FRMPD2: variants seen among roughly 807,000 people sequenced by gnomAD.
FRMPD2 encodes the protein FERM and PDZ domain containing 2, also known as FERM and PDZ domain-containing protein 2.
A neutral mutation model predicts 140.1 loss-of-function variants in FRMPD2; 96 were observed. The ratio of observed to expected loss-of-function variants is 0.69; its 90% CI spans 0.58 to 0.81. FRMPD2 has a LOEUF of 0.81. Ranked by LOEUF, FRMPD2 falls within the 40% of genes least tolerant of loss-of-function variation. The pLI is 0.00. For synonymous variants in FRMPD2, 449 were observed against 547.6 expected, an observed-to-expected ratio of 0.82 and a Z score of 2.52; for missense variants, 1,240 against 1,447.4, an observed-to-expected ratio of 0.86 and a Z score of 2.32.
intron 16 of FRMPD2, among the ~76,000 whole-genome samples, chr10:48,188,261 G>A (rs1838739475): frequency 6.6e-6 from 1 of 152,178 alleles, no homozygotes; most frequent in Admixed American, 6.5e-5. Flanking sequence ...CTGTACCCTT[G>A]GAGCTGTGAC....
At chr10:48,173,606 C>T (rs533315968) in intron 24 of FRMPD2, among the ~76,000 whole-genome samples, 176 of 152,246 alleles carry the variant, frequency 1.2e-3, no homozygotes, top group Middle Eastern at 3.4e-3. Flanking sequence ...TCTTGGTCCA[C>T]CCCATCATGG....
chr10:48,232,129 A>T lies in FRMPD2; in HGVS notation c.1154T>A (p.Leu385Ter). The T allele has an allele frequency of 6.2e-7, 1 of 1,614,216 alleles. No individual in the cohort carries two copies. The highest frequency in any genetic ancestry group is 8.5e-7 in the Non-Finnish European group (1 of 1,180,022). The change falls in exon 10 of 29, where the codon TTG (leucine) becomes TAG (stop). Residue 385 changes from leucine to a stop codon, truncating the protein, a stop_gained. Transcript: ENST00000374201. LOFTEE classifies it high-confidence loss of function. ...GAGATGCTTACTTTTCATATACGCC[A>T]AGCCAAAGTAGGTGAGTTCCTCGAG... Reference protein sequence around the residue: ...ANLEELTYFGLAYMKSKEFFF... With the variant: ...ANLEELTYFG
chr10:48,207,140 CTT>C (rs72320753), intron 13 of FRMPD2, among the ~76,000 whole-genome samples: 31 of 141,166 alleles, frequency 2.2e-4, no homozygotes, highest in Admixed American at 2.8e-4. Flanking sequence ...TAGAATTTTC[CTT>C]TTTTTTTTTT....
chr10:48,257,153 T>G (rs1840504600), intron 1 of FRMPD2, among the ~76,000 whole-genome samples: 1 of 150,850 alleles, frequency 6.6e-6, no homozygotes, highest in East Asian at 1.9e-4. Flanking sequence ...TCACATCGCC[T>G]TCTCCTCTTC....
intron 18 of FRMPD2, 122 bp from the exon 19 acceptor site, chr10:48,185,003 A>C (rs910213046): frequency 1.4e-5 from 9 of 653,910 alleles, no homozygotes; most frequent in Non-Finnish European, 2.4e-5. Context: ...AGTTACAGTC[A>C]GGTCTTCTGA....
At chr10:48,232,812 A>C (rs1197403136) in intron 9 of FRMPD2, among the ~76,000 whole-genome samples, 1 of 152,180 alleles carries the variant, frequency 6.6e-6, no homozygotes, top group Non-Finnish European at 1.5e-5. Flanking sequence ...GACTCTAGAA[A>C]TGGGTCGGCA....
chr10:48,205,129 T>C (rs958272508), intron 14 of FRMPD2, among the ~76,000 whole-genome samples: 1 of 152,242 alleles, frequency 6.6e-6, no homozygotes, highest in Non-Finnish European at 1.5e-5. Context: ...TTCAAGTCAT[T>C]TTCTGCGTAA....
chr10:48,188,983 C>T (rs539335083), intron 16 of FRMPD2, among the ~76,000 whole-genome samples: 12 of 152,224 alleles, frequency 7.9e-5, no homozygotes, highest in South Asian at 2.1e-4. Context: ...TTTGGGAAGA[C>T]GGACAGAGCT....
intron 12 of FRMPD2, among the ~76,000 whole-genome samples, chr10:48,218,518 T>C (rs1839506694): frequency 6.6e-6 from 1 of 152,204 alleles, no homozygotes. Context: ...GTGTGAGCTC[T>C]ATCCCTGCCT....
At chr10:48,213,908 C>T (rs1839387255) in intron 12 of FRMPD2, among the ~76,000 whole-genome samples, 1 of 152,158 alleles carries the variant, frequency 6.6e-6, no homozygotes, top group South Asian at 2.1e-4. Context: ...TTGAGTAATT[C>T]TTGTCATATC....
chr10:48,182,722 G>A (rs142628651), intron 20 of FRMPD2, among the ~76,000 whole-genome samples: 1 of 152,332 alleles, frequency 6.6e-6, no homozygotes. Flanking sequence ...CTAATGTGAG[G>A]TTGTGGTTTG....
At chr10:48,218,181 T>G (rs985898302) in intron 12 of FRMPD2, among the ~76,000 whole-genome samples, 1 of 152,198 alleles carries the variant, frequency 6.6e-6, no homozygotes, top group Non-Finnish European at 1.5e-5. Context: ...ACCAGTCAGA[T>G]TGGATTAGGG....
At chr10:48,188,662 G>C (rs920885198) in intron 16 of FRMPD2, among the ~76,000 whole-genome samples, 1 of 152,240 alleles carries the variant, frequency 6.6e-6, no homozygotes, top group Admixed American at 6.5e-5. Context: ...GTGCTCAATG[G>C]ATGGAGAAAT....
At chr10:48,224,409 T>G (rs1839677149) in intron 10 of FRMPD2, among the ~76,000 whole-genome samples, 1 of 152,198 alleles carries the variant, frequency 6.6e-6, no homozygotes, top group Admixed American at 6.5e-5. Flanking sequence ...GCAGAACTTT[T>G]AAACTGGTGA....
chr10:48,236,075 T>G (rs56138063), intron 9 of FRMPD2, among the ~76,000 whole-genome samples: 28 of 152,212 alleles, frequency 1.8e-4, no homozygotes, highest in South Asian at 8.3e-4. Flanking sequence ...TTTGTTTTTT[T>G]TTTTTGCACA....
At chr10:48,218,274 T>C (rs1224670186) in intron 12 of FRMPD2, among the ~76,000 whole-genome samples, 6 of 152,188 alleles carry the variant, frequency 3.9e-5, no homozygotes, top group African/African-American at 7.2e-5. Context: ...GTTCTACATA[T>C]GAATTTTGGG....
intron 13 of FRMPD2, among the ~76,000 whole-genome samples, chr10:48,207,998 A>G (rs1344369277): frequency 6.7e-6 from 1 of 149,434 alleles, no homozygotes; most frequent in Non-Finnish European, 1.5e-5. Context: ...ACATTTCTGA[A>G]CCCTAAGCCT....
intron 1 of FRMPD2, among the ~76,000 whole-genome samples, chr10:48,259,008 CTTGACATAATCTGA>C (rs1840534051): frequency 6.6e-6 from 1 of 152,192 alleles, no homozygotes; most frequent in Admixed American, 6.5e-5. Context: ...AGACTGTCTT[CTTGACATAATCTGA>C]AAAATTGAAG....
At chr10:48,214,757 G>A (rs960659176) in intron 12 of FRMPD2, among the ~76,000 whole-genome samples, 3 of 152,104 alleles carry the variant, frequency 2.0e-5, no homozygotes, top group African/African-American at 2.4e-5. Context: ...AAAATCAGAC[G>A]CAATTTAAAT....
Sources: gnomAD v4.1 joint callset for allele counts (sites outside exome capture counted in the v4.1 genomes callset) on GRCh38, gnomAD v4.1.1 for gene constraint, MANE v1.5 for transcripts, NCBI Gene and HGNC (gene_info 2026-07-23, HGNC 2026-07-21) for gene names.